TRUB1: variants seen among roughly 807,000 people sequenced by gnomAD.
The protein encoded by TRUB1 is TruB pseudouridine synthase family member 1, also known as pseudouridylate synthase TRUB1.
A neutral mutation model predicts 33.9 loss-of-function variants in TRUB1; 23 were observed. That is an observed-to-expected ratio of 0.68 (90% CI 0.49 to 0.96). The LOEUF is 0.96. TRUB1 is among the 40% of genes least tolerant of loss of function. The pLI is 0.00. For synonymous variants in TRUB1, 163 were observed against 165.4 expected (o/e 0.99, Z 0.11); for missense variants, 378 against 422.2 (o/e 0.90, Z 0.92).
At chr10:114,953,223 C>T (rs969349238) in intron 3 of TRUB1, among the ~76,000 whole-genome samples, 6 of 152,126 alleles carry the variant, frequency 3.9e-5, no homozygotes, top group Admixed American at 1.3e-4. Context: ...TGTTCAGCTA[C>T]GAAAGCTGAA....
At chr10:114,956,780 T>C (rs745561041) in intron 3 of TRUB1, among the ~76,000 whole-genome samples, 1 of 152,176 alleles carries the variant, frequency 6.6e-6, no homozygotes, top group Non-Finnish European at 1.5e-5. Flanking sequence ...TTTTAAACAT[T>C]TTTCAGCTTT....
intron 4 of TRUB1, 113 bp from the exon 5 acceptor site, chr10:114,970,255 A>G: frequency 1.4e-6 from 1 of 707,850 alleles, no homozygotes; most frequent in Non-Finnish European, 2.4e-6. Flanking sequence ...CATATACTGT[A>G]ATATATGCTT....
intron 4 of TRUB1, among the ~76,000 whole-genome samples, chr10:114,967,769 G>GA (rs2084316712): frequency 6.6e-6 from 1 of 152,066 alleles, no homozygotes; most frequent in African/African-American, 2.4e-5. Flanking sequence ...TATGTCATAA[G>GA]AACGATTATT....
chr10:114,969,574 A>G (rs974592858), intron 4 of TRUB1: 7 of 152,188 alleles, frequency 4.6e-5, no homozygotes, highest in Admixed American at 3.3e-4. Flanking sequence ...AAAGCTGAAA[A>G]CATGATTAAC....
At chr10:114,967,398 T>C (rs886351089) in intron 4 of TRUB1, among the ~76,000 whole-genome samples, 1 of 152,236 alleles carries the variant, frequency 6.6e-6, no homozygotes, top group African/African-American at 2.4e-5. Flanking sequence ...TCACAGTTAC[T>C]CTTTCGTAGT....
At chr10:114,949,050 C>G (rs965996122) in intron 2 of TRUB1, among the ~76,000 whole-genome samples, 2 of 152,238 alleles carry the variant, frequency 1.3e-5, no homozygotes, top group Admixed American at 6.5e-5. Flanking sequence ...CAGCGGTTCT[C>G]TCTCTGTTCA....
In TRUB1 at chr10:114,951,127, C is replaced by G; in HGVS notation, c.419C>G (p.Thr140Ser). The G allele has an allele frequency of 6.2e-7, 1 of 1,612,298 alleles. No individual in the cohort carries two copies. Among genetic ancestry groups the G allele is most frequent in the Non-Finnish European group, 8.5e-7 (1 of 1,179,014 alleles). ...ATTGGAAGCGGAACAAAAATGTTGA[C>G]CAGTATGTTGTCAGGGTCCAAGGTA... is the stretch of plus-strand genomic sequence containing the variant. ...VGIGSGTKMLTSMLSGSKRYT... is the reference protein window; with the variant it reads ...VGIGSGTKMLSSMLSGSKRYT... The change falls in exon 3 of 8, where the codon ACC (threonine) becomes AGC (serine). Residue 140 changes from threonine to serine, a missense_variant. Transcript: ENST00000298746.
At chr10:114,973,631 G>T (rs2084346516) in intron 6 of TRUB1, among the ~76,000 whole-genome samples, 1 of 152,174 alleles carries the variant, frequency 6.6e-6, no homozygotes, top group African/African-American at 2.4e-5. Context: ...CTTGCTGATG[G>T]ATAAAAATAA....
At position 114,972,292 on chromosome 10, in the gene TRUB1, GA is replaced by G; in HGVS notation, c.736+21del. On this transcript the variant is annotated intron_variant, in intron 6 of 7. Transcript: ENST00000298746. ...CACATTAGGTAAGATGGAGAAATTTGAAATCATTTGTATTTACGTGTATTTT... is the reference window on the plus strand; with the variant it reads ...CACATTAGGTAAGATGGAGAAATTTGAATCATTTGTATTTACGTGTATTTT... The G allele has an allele frequency of 6.3e-7, 1 of 1,588,338 alleles. No individual in the cohort carries two copies. The highest frequency in any genetic ancestry group is 8.5e-7 in the Non-Finnish European group (1 of 1,172,670).
At chr10:114,974,904 T>G (rs926464389) in intron 7 of TRUB1, among the ~76,000 whole-genome samples, 59 of 152,122 alleles carry the variant, frequency 3.9e-4, no homozygotes, top group African/African-American at 1.3e-3. Context: ...GTGCAAGTTC[T>G]TTGTTGATTT....
rs1006008113 is a variant in TRUB1, at chr10:114,975,250, C to T, written c.921C>T (p.Cys307=). The change falls in exon 8 of 8, where the codon TGC becomes TGT. Residue 307 remains cysteine (C), a synonymous_variant. Transcript: ENST00000298746. Reference sequence around the variant, plus strand: ...ACATTGCACAGTCTCTTGAGCATTGCTCATCTCTTTTCCCAGCAGAGTTGG... The same window carrying T: ...ACATTGCACAGTCTCTTGAGCATTGTTCATCTCTTTTCCCAGCAGAGTTGG... ...IDDIAQSLEH[C]SSLFPAELAL... is the part of the protein sequence containing the mutation. The T allele has an allele frequency of 1.2e-6, 2 of 1,613,518 alleles. No individual in the cohort carries two copies. The highest frequency in any genetic ancestry group is 2.7e-5 in the African/African-American group (2 of 74,852).
At chr10:114,948,675 T>C (rs1321815533) in intron 2 of TRUB1, among the ~76,000 whole-genome samples, 1 of 152,172 alleles carries the variant, frequency 6.6e-6, no homozygotes, top group African/African-American at 2.4e-5. Flanking sequence ...TGGCATTTGG[T>C]TATTCTTAGG....
intron 3 of TRUB1, among the ~76,000 whole-genome samples, chr10:114,953,785 T>C (rs1000752470): frequency 6.6e-6 from 1 of 152,094 alleles, no homozygotes; most frequent in Non-Finnish European, 1.5e-5. Flanking sequence ...AAGCTTACAC[T>C]TGTGGCCATG....
chr10:114,949,883 A>G (rs145981850), intron 2 of TRUB1, among the ~76,000 whole-genome samples: 229 of 145,772 alleles, frequency 1.6e-3, no homozygotes, highest in African/African-American at 5.2e-3. Flanking sequence ...GGGTAATTAT[A>G]CTATCTTTTA....
intron 2 of TRUB1, 101 bp from the exon 3 acceptor site, chr10:114,950,993 C>A: frequency 1.0e-6 from 1 of 969,184 alleles, no homozygotes. Flanking sequence ...TTTCCCACTT[C>A]ACATTACCTA....
chr10:114,952,273 G>C (rs2084239158), intron 3 of TRUB1, among the ~76,000 whole-genome samples: 1 of 152,096 alleles, frequency 6.6e-6, no homozygotes, highest in Non-Finnish European at 1.5e-5. Flanking sequence ...ACCCATCTCT[G>C]TTAAAAATAC....
rs770128532 is a variant in TRUB1, at chr10:114,975,345, CAA to C, written c.1018_1019del (p.Lys340GlufsTer4). 1 of 1,595,892 alleles carries C rather than the reference CAA, an allele frequency of 6.3e-7. No homozygotes were observed. The highest frequency in any genetic ancestry group is 8.5e-7 in the Non-Finnish European group (1 of 1,170,142). On this transcript the variant is annotated frameshift_variant, in exon 8 of 8. Coordinates refer to ENST00000298746, the MANE Select transcript of TRUB1 (RefSeq NM_139169.5). LOFTEE classifies it high-confidence loss of function. ...TGTGAATATATAACTCTAAATGAGC[CAA>C]AGAGAGAAGATGATGTAATTAAGAC...
chr10:114,938,628 G>A, intron 1 of TRUB1, 89 bp downstream of exon 1: 1 of 1,356,900 alleles, frequency 7.4e-7, no homozygotes, highest in Non-Finnish European at 9.8e-7. Flanking sequence ...TGATTCAAGA[G>A]ACAAAAGGAG....
At chr10:114,974,274 T>G (rs2084350078) in intron 6 of TRUB1, 55 bp from the exon 7 acceptor site, 1 of 1,314,834 alleles carries the variant, frequency 7.6e-7, no homozygotes, top group Non-Finnish European at 1.1e-6. Flanking sequence ...CATTTCTATG[T>G]AAAGTGGATT....
Sources: allele counts gnomAD v4.1 joint callset (sites outside exome capture counted in the v4.1 genomes callset), GRCh38; gene constraint gnomAD v4.1.1; transcripts MANE v1.5; gene names NCBI Gene and HGNC (gene_info 2026-07-23, HGNC 2026-07-21).